Variants in ADGRL2 observed in about 807,000 individuals in gnomAD.
The protein encoded by ADGRL2 is adhesion G protein-coupled receptor L2.
ADGRL2 carries 44 observed loss-of-function variants against 157.4 expected under a neutral mutation model. The ratio of observed to expected loss-of-function variants is 0.28; its 90% confidence interval spans 0.22 to 0.36. The LOEUF is 0.36. Ranked by LOEUF, ADGRL2 falls within the 10% of genes least tolerant of loss-of-function variation. ADGRL2 has a pLI of 1.00. For synonymous variants in ADGRL2, 585 were observed against 624.7 expected, an observed-to-expected ratio of 0.94 and a Z score of 0.95; for missense variants, 1,510 against 1,768.9, an observed-to-expected ratio of 0.85 and a Z score of 2.63.
At chr1:81,649,153 C>T (rs2082365708) in intron 3 of ADGRL2, among the ~76,000 whole-genome samples, 1 of 152,194 alleles carries the variant, frequency 6.6e-6, no homozygotes, top group Non-Finnish European at 1.5e-5. Context: ...TACCCTACCT[C>T]TCCTCACCCA....
intron 2 of ADGRL2, among the ~76,000 whole-genome samples, chr1:81,848,165 G>A (rs926664717): frequency 2.0e-5 from 3 of 151,578 alleles, no homozygotes; most frequent in Non-Finnish European, 4.4e-5. Flanking sequence ...TTAATTTTAC[G>A]ATAATACCAA....
At chr1:81,822,375 T>G (rs940742188) in intron 1 of ADGRL2, among the ~76,000 whole-genome samples, 1 of 151,808 alleles carries the variant, frequency 6.6e-6, no homozygotes, top group South Asian at 2.1e-4. Flanking sequence ...AAAAAAATCT[T>G]TAATTTTTAT....
At chr1:81,646,611 G>T (rs913477479) in intron 3 of ADGRL2, among the ~76,000 whole-genome samples, 1 of 152,184 alleles carries the variant, frequency 6.6e-6, no homozygotes, top group African/African-American at 2.4e-5. Context: ...GAGCCATAGT[G>T]AGGCACGGTT....
chr1:81,377,794 C>T (rs949009396), intron 1 of ADGRL2, among the ~76,000 whole-genome samples: 2 of 98,726 alleles, frequency 2.0e-5, no homozygotes, highest in Non-Finnish European at 4.4e-5. Flanking sequence ...TATTACCCAT[C>T]CTACCTCCTT....
intron 3 of ADGRL2, among the ~76,000 whole-genome samples, chr1:81,614,540 G>T (rs1444930109): frequency 6.6e-6 from 1 of 152,112 alleles, no homozygotes; most frequent in African/African-American, 2.4e-5. Flanking sequence ...TGTAAATCTG[G>T]AAATGCATTA....
intron 1 of ADGRL2, among the ~76,000 whole-genome samples, chr1:81,803,330 G>A (rs949966226): frequency 6.6e-6 from 1 of 152,072 alleles, no homozygotes; most frequent in African/African-American, 2.4e-5. Flanking sequence ...CTGCGCTTGG[G>A]ACCCGTAAAG....
At chr1:81,956,775 G>T (rs1484622532) in intron 11 of ADGRL2, among the ~76,000 whole-genome samples, 2 of 152,144 alleles carry the variant, frequency 1.3e-5, no homozygotes, top group South Asian at 2.1e-4. Context: ...GAAGTAAAAA[G>T]CTTCCCAAGC....
At chr1:81,537,644 C>T (rs1226955118) in intron 2 of ADGRL2, among the ~76,000 whole-genome samples, 3 of 151,782 alleles carry the variant, frequency 2.0e-5, no homozygotes, top group Admixed American at 1.3e-4. Context: ...GCTATTTTTC[C>T]AATTCCCAAG....
At chr1:81,974,445 T>G (rs1659604946) in intron 17 of ADGRL2, among the ~76,000 whole-genome samples, 1 of 152,206 alleles carries the variant, frequency 6.6e-6, no homozygotes, top group East Asian at 1.9e-4. Flanking sequence ...TTTAGAAGTC[T>G]TCTTCAGAGA....
At chr1:81,407,171 C>T (rs1199152370) in intron 1 of ADGRL2, among the ~76,000 whole-genome samples, 1 of 152,154 alleles carries the variant, frequency 6.6e-6, no homozygotes, top group Non-Finnish European at 1.5e-5. Flanking sequence ...CCCTATTGTT[C>T]ATTTGTTTGA....
intron 3 of ADGRL2, among the ~76,000 whole-genome samples, chr1:81,934,380 T>TA (rs1263973905): frequency 6.6e-6 from 1 of 151,996 alleles, no homozygotes; most frequent in East Asian, 1.9e-4. Context: ...TTGAGAAACA[T>TA]ACAGTAAAAG....
At chr1:81,948,526 A>T (rs1429813088) in intron 6 of ADGRL2, among the ~76,000 whole-genome samples, 1 of 151,932 alleles carries the variant, frequency 6.6e-6, no homozygotes, top group African/African-American at 2.4e-5. Flanking sequence ...CTGATTCCCG[A>T]CTCCCCTTTA....
chr1:81,639,837 A>T (rs890581327), intron 3 of ADGRL2, among the ~76,000 whole-genome samples: 2 of 152,172 alleles, frequency 1.3e-5, no homozygotes, highest in African/African-American at 2.4e-5. Context: ...CAGATTATTT[A>T]TACTCACTTT....
At chr1:81,535,784 G>A (rs17454780) in intron 2 of ADGRL2, among the ~76,000 whole-genome samples, 3,671 of 152,204 alleles carry the variant, frequency 0.024, 76 homozygotes, top group Non-Finnish European at 0.035. Context: ...TAGTATGCCC[G>A]ATGGTGCAAA....
intron 1 of ADGRL2, among the ~76,000 whole-genome samples, chr1:81,325,120 G>A (rs774231243): frequency 6.6e-6 from 1 of 152,124 alleles, no homozygotes; most frequent in East Asian, 1.9e-4. Flanking sequence ...TTAGTAAATT[G>A]TCCACTAGAA....
At chr1:81,332,143 GA>G (rs918500489) in intron 1 of ADGRL2, among the ~76,000 whole-genome samples, 2 of 151,660 alleles carry the variant, frequency 1.3e-5, no homozygotes, top group African/African-American at 4.8e-5. Flanking sequence ...GAAACGAGAA[GA>G]AAAAAAACAT....
intron 19 of ADGRL2, among the ~76,000 whole-genome samples, chr1:81,983,704 A>G (rs956735204): frequency 1.3e-5 from 2 of 152,096 alleles, no homozygotes; most frequent in African/African-American, 4.8e-5. Context: ...TATAGCTGCA[A>G]CAGTCCAGCA....
At chr1:81,820,078 A>G (rs748151427) in intron 1 of ADGRL2, among the ~76,000 whole-genome samples, 9 of 152,144 alleles carry the variant, frequency 5.9e-5, no homozygotes, top group Non-Finnish European at 1.3e-4. Flanking sequence ...ATACCCAGCA[A>G]TAGTTCTTAG....
intron 2 of ADGRL2, among the ~76,000 whole-genome samples, chr1:81,453,071 G>C (rs193011783): frequency 6.6e-6 from 1 of 152,166 alleles, no homozygotes; most frequent in Admixed American, 6.6e-5. Context: ...GGGTAAAAGG[G>C]AAGGGAAACA....
Sources: gnomAD v4.1 joint callset for allele counts (sites outside exome capture counted in the v4.1 genomes callset) on GRCh38, gnomAD v4.1.1 for gene constraint, MANE v1.5 for transcripts, NCBI Gene and HGNC (gene_info 2026-07-23, HGNC 2026-07-21) for gene names.